Variants in ADAM22 observed in about 807,000 individuals in gnomAD.
ADAM22 encodes the protein disintegrin and metalloproteinase domain-containing protein 22.
Under a neutral mutation model 144.6 loss-of-function variants are expected in ADAM22, and 65 were observed. The ratio of observed to expected loss-of-function variants is 0.45; its 90% CI spans 0.37 to 0.55. The LOEUF (loss-of-function observed/expected upper bound fraction) is 0.55. ADAM22 is among the 20% of genes least tolerant of loss of function. ADAM22 has a pLI of 0.00. For missense variants in ADAM22, 974 were observed against 1,184.9 expected (o/e 0.82, Z 2.61); for synonymous variants, 391 against 412.6 (o/e 0.95, Z 0.63).
chr7:88,172,713 G>C (rs1290582277), intron 26 of ADAM22, among the ~76,000 whole-genome samples: 3 of 151,826 alleles, frequency 2.0e-5, no homozygotes, highest in African/African-American at 7.2e-5. Context: ...AGAAAATATT[G>C]ACCTTTCCCT....
chr7:87,955,286 T>C (rs1846369187), intron 2 of ADAM22, among the ~76,000 whole-genome samples: 1 of 152,212 alleles, frequency 6.6e-6, no homozygotes, highest in Admixed American at 6.5e-5. Flanking sequence ...TGGTCTTTGA[T>C]GATGGTGATG....
At chr7:87,997,827 T>G (rs1791583764) in intron 3 of ADAM22, among the ~76,000 whole-genome samples, 1 of 152,250 alleles carries the variant, frequency 6.6e-6, no homozygotes, top group Non-Finnish European at 1.5e-5. Flanking sequence ...GGGACAGGAC[T>G]AATAGGATAG....
intron 3 of ADAM22, among the ~76,000 whole-genome samples, chr7:88,011,052 T>C (rs765918818): frequency 7.2e-5 from 11 of 152,154 alleles, no homozygotes; most frequent in Non-Finnish European, 1.3e-4. Flanking sequence ...GTCAGTAAAA[T>C]GGGACTGAAT....
chr7:88,202,171 C>CT lies in ADAM22; in HGVS notation c.*5685dup. 6.6e-6 allele frequency: 1 copy of CT among 152,228 alleles called. No homozygotes were observed. Among genetic ancestry groups the CT allele is most frequent in the Middle Eastern group, 3.4e-3 (1 of 294 alleles). The allele number at this position is 152,228 out of a possible 1,614,324, so 9.4% of individuals were successfully genotyped here. ...ATCAAACTCTGATTCTACAACCAGT[C>CT]TTTTTAAAGGGCAAAAATGACTCAA... On this transcript the variant is annotated 3_prime_UTR_variant, in exon 32 of 32. Coordinates refer to ENST00000413139, the MANE Select transcript of ADAM22 (RefSeq NM_001324418.2).
At chr7:88,004,181 T>A (rs1793257147) in intron 3 of ADAM22, among the ~76,000 whole-genome samples, 2 of 152,218 alleles carry the variant, frequency 1.3e-5, no homozygotes, top group Admixed American at 6.5e-5. Flanking sequence ...GTAACCATTT[T>A]CCTGTAATTT....
chr7:87,995,633 C>T (rs1019014675), intron 3 of ADAM22, among the ~76,000 whole-genome samples: 3 of 152,154 alleles, frequency 2.0e-5, no homozygotes, highest in African/African-American at 4.8e-5. Context: ...GAATCAGAAT[C>T]GCTGATGGAT....
At chr7:88,023,527 C>A (rs1048167364) in intron 3 of ADAM22, among the ~76,000 whole-genome samples, 3 of 152,152 alleles carry the variant, frequency 2.0e-5, no homozygotes, top group African/African-American at 4.8e-5. Flanking sequence ...TCAAGTGATT[C>A]TCCTGCCTCA....
chr7:88,187,442 A>G (rs1848569313), intron 30 of ADAM22, among the ~76,000 whole-genome samples: 1 of 152,248 alleles, frequency 6.6e-6, no homozygotes, highest in Non-Finnish European at 1.5e-5. Context: ...GAATATCGCT[A>G]CATTTTAGAA....
intron 5 of ADAM22, among the ~76,000 whole-genome samples, chr7:88,109,740 A>C (rs1825517339): frequency 2.0e-5 from 3 of 151,882 alleles, no homozygotes; most frequent in Non-Finnish European, 4.4e-5. Context: ...AGGAAAAAAA[A>C]AAAAACAAAA....
intron 4 of ADAM22, among the ~76,000 whole-genome samples, chr7:88,092,540 C>T (rs1222615952): frequency 6.6e-6 from 1 of 152,172 alleles, no homozygotes; most frequent in African/African-American, 2.4e-5. Flanking sequence ...GTGTGCATTT[C>T]CCCCCTGGCA....
Position 88,153,205 on chromosome 7 carries a change from T to C in ADAM22, c.1682-16T>C. 6.3e-7 allele frequency: 1 copy of C among 1,597,622 alleles called. No individual in the cohort carries two copies. Among genetic ancestry groups the C allele is most frequent in the Middle Eastern group, 1.7e-4 (1 of 5,984 alleles). ...TCGTACTTCCCTCACTGATAGAAAA[T>C]TTTTTTCTGCCTTAGAGGTGACAGC... On this transcript the variant is annotated splice_polypyrimidine_tract_variant and intron_variant, in intron 20 of 31. Coordinates refer to ENST00000413139, the MANE Select transcript of ADAM22 (RefSeq NM_001324418.2).
chr7:88,006,836 T>C (rs960588196), intron 3 of ADAM22, among the ~76,000 whole-genome samples: 1 of 150,972 alleles, frequency 6.6e-6, no homozygotes, highest in African/African-American at 2.4e-5. Flanking sequence ...CTTTGAAAAC[T>C]GGCACAAGAC....
intron 4 of ADAM22, among the ~76,000 whole-genome samples, chr7:88,090,515 C>A (rs1236664183): frequency 6.6e-6 from 1 of 152,100 alleles, no homozygotes; most frequent in Non-Finnish European, 1.5e-5. Flanking sequence ...AGTAATGAAA[C>A]TAAAATGACT....
intron 3 of ADAM22, among the ~76,000 whole-genome samples, chr7:88,044,786 C>T (rs891853752): frequency 1.7e-4 from 25 of 151,198 alleles, no homozygotes; most frequent in Non-Finnish European, 1.2e-4. Flanking sequence ...AGTGCAGTGG[C>T]GCGATCTCGG....
At chr7:87,974,290 C>T (rs10263840) in intron 2 of ADAM22, among the ~76,000 whole-genome samples, 155 of 129,950 alleles carry the variant, frequency 1.2e-3, no homozygotes, top group African/African-American at 4.3e-3. Flanking sequence ...GGCGACAGAG[C>T]GAGACTCTGT....
At chr7:88,039,465 A>AAAAAAAAAAAAAAAAC (rs1802520992) in intron 3 of ADAM22, among the ~76,000 whole-genome samples, 1 of 84,006 alleles carries the variant, frequency 1.2e-5, no homozygotes, top group Non-Finnish European at 2.3e-5. Flanking sequence ...AAAAAAAAAA[A>AAAAAAAAAAAAAAAAC]TATATATATA....
At chr7:87,942,407 C>T (rs986802313) in intron 2 of ADAM22, among the ~76,000 whole-genome samples, 2 of 152,020 alleles carry the variant, frequency 1.3e-5, no homozygotes, top group Non-Finnish European at 2.9e-5. Flanking sequence ...GGGATTTGAA[C>T]CTAGGCACTT....
chr7:88,139,858 A>G (rs1201344102), intron 14 of ADAM22, among the ~76,000 whole-genome samples: 1 of 152,096 alleles, frequency 6.6e-6, no homozygotes, highest in Non-Finnish European at 1.5e-5. Flanking sequence ...ATCTGATTGG[A>G]TACTGGATCC....
chr7:88,193,077 C>T (rs754738530), intron 30 of ADAM22, 39 bp from the exon 31 acceptor site: 1 of 1,611,506 alleles, frequency 6.2e-7, no homozygotes, highest in African/African-American at 1.3e-5. Context: ...AAATGTTAGG[C>T]AATCACATGA....
Sources: allele counts gnomAD v4.1 joint callset (sites outside exome capture counted in the v4.1 genomes callset), GRCh38; gene constraint gnomAD v4.1.1; transcripts MANE v1.5; gene names NCBI Gene and HGNC (gene_info 2026-07-23, HGNC 2026-07-21).